Variants in SLC35F3 observed in about 807,000 individuals in gnomAD.
SLC35F3 encodes the protein putative thiamine transporter SLC35F3.
In SLC35F3, 25 loss-of-function variants were observed where a neutral mutation model predicts 49.9. That is an observed-to-expected ratio of 0.50 (90% CI 0.37 to 0.70). The LOEUF is 0.70. Among genes scored for constraint, SLC35F3 ranks in the 30% least tolerant of loss-of-function variants. SLC35F3 has a pLI of 0.00. For synonymous variants in SLC35F3, 275 were observed against 265.4 expected (o/e 1.04, Z -0.35); for missense variants, 525 against 639.8 (o/e 0.82, Z 1.94).
At chr1:234,193,904 T>C (rs1429042444) in intron 2 of SLC35F3, among the ~76,000 whole-genome samples, 1 of 152,184 alleles carries the variant, frequency 6.6e-6, no homozygotes, top group Non-Finnish European at 1.5e-5. Flanking sequence ...AATACCATCT[T>C]ACTCCTGCAA....
At chr1:234,097,501 T>C (rs932811585) in intron 2 of SLC35F3, among the ~76,000 whole-genome samples, 2 of 152,136 alleles carry the variant, frequency 1.3e-5, no homozygotes, top group African/African-American at 4.8e-5. Flanking sequence ...GATAGCAAAG[T>C]GTCAGAGCTG....
intron 2 of SLC35F3, among the ~76,000 whole-genome samples, chr1:234,169,891 C>T (rs527679962): frequency 6.6e-6 from 1 of 152,290 alleles, no homozygotes; most frequent in Admixed American, 6.5e-5. Context: ...CCTCAGCCTC[C>T]GGAGTAGCTG....
At chr1:234,158,056 GACTTTA>G (rs1309555506) in intron 2 of SLC35F3, among the ~76,000 whole-genome samples, 7 of 152,172 alleles carry the variant, frequency 4.6e-5, no homozygotes, top group Non-Finnish European at 7.3e-5. Flanking sequence ...ACTAAATCAT[GACTTTA>G]ACTTTAGCCT....
intron 2 of SLC35F3, among the ~76,000 whole-genome samples, chr1:234,201,915 A>G: frequency 6.8e-6 from 1 of 147,888 alleles, no homozygotes. Flanking sequence ...TTCTTCTCAA[A>G]AAAAAAAAAA....
intron 2 of SLC35F3, among the ~76,000 whole-genome samples, chr1:234,093,522 C>T (rs1382538731): frequency 6.6e-6 from 1 of 152,226 alleles, no homozygotes; most frequent in Non-Finnish European, 1.5e-5. Context: ...AAGGCCTTTT[C>T]TTCCTATAGG....
At position 234,153,583 on chromosome 1, in the gene SLC35F3, T is replaced by C. The variant is rs191254107; in HGVS notation, c.284-77834T>C. 9.7e-4 allele frequency among the ~76,000 whole-genome samples: 148 copies of C among 152,304 alleles called. 2 individuals are homozygous for C. Among genetic ancestry groups the C allele is most frequent in the African/African-American group, 3.2e-3 (133 of 41,576 alleles). On this transcript the variant is annotated intron_variant, in intron 2 of 7. Coordinates refer to ENST00000366618, the MANE Select transcript of SLC35F3 (RefSeq NM_173508.4). ...AGGCTGTTGAGTAACATAAAACAAA[T>C]GAGCAATTATGATATACTGTATTTT...
chr1:234,055,298 G>T (rs1204496653), intron 2 of SLC35F3, among the ~76,000 whole-genome samples: 1 of 152,148 alleles, frequency 6.6e-6, no homozygotes, highest in Non-Finnish European at 1.5e-5. Flanking sequence ...GCTGCAGTGG[G>T]CTCCACTCAG....
chr1:234,297,263 A>G (rs1229205392), intron 3 of SLC35F3, among the ~76,000 whole-genome samples: 8 of 152,222 alleles, frequency 5.3e-5, no homozygotes, highest in Non-Finnish European at 8.8e-5. Flanking sequence ...AAAATTAAAA[A>G]TAGAACTACC....
intron 2 of SLC35F3, among the ~76,000 whole-genome samples, chr1:234,106,641 C>A (rs1206912313): frequency 6.6e-6 from 1 of 152,182 alleles, no homozygotes; most frequent in Non-Finnish European, 1.5e-5. Flanking sequence ...TAATCTTAAC[C>A]ACCTTTTTAA....
chr1:234,011,015 G>C (rs955705420), intron 2 of SLC35F3, among the ~76,000 whole-genome samples: 1 of 152,056 alleles, frequency 6.6e-6, no homozygotes, highest in African/African-American at 2.4e-5. Flanking sequence ...TTTTACCATA[G>C]GCTAATTCAT....
chr1:234,276,682 G>A (rs533102550), intron 3 of SLC35F3, among the ~76,000 whole-genome samples: 4 of 152,286 alleles, frequency 2.6e-5, no homozygotes, highest in South Asian at 4.1e-4. Context: ...TCTCTATTGC[G>A]ACAACTCTCA....
At chr1:234,088,493 C>T (rs1309085524) in intron 2 of SLC35F3, among the ~76,000 whole-genome samples, 1 of 152,166 alleles carries the variant, frequency 6.6e-6, no homozygotes, top group African/African-American at 2.4e-5. Flanking sequence ...CAGGCGTGAG[C>T]CACTGTGCCC....
At chr1:234,020,201 A>G (rs1377097342) in intron 2 of SLC35F3, among the ~76,000 whole-genome samples, 1 of 151,564 alleles carries the variant, frequency 6.6e-6, no homozygotes, top group Non-Finnish European at 1.5e-5. Context: ...GGGTTATTTC[A>G]TTGTATTGTA....
At chr1:234,170,985 T>C (rs1344643005) in intron 2 of SLC35F3, among the ~76,000 whole-genome samples, 1 of 152,242 alleles carries the variant, frequency 6.6e-6, no homozygotes, top group African/African-American at 2.4e-5. Flanking sequence ...AAACTTTCCA[T>C]GCATCCTCTA....
chr1:234,033,506 T>G (rs1664092143), intron 2 of SLC35F3, among the ~76,000 whole-genome samples: 1 of 152,248 alleles, frequency 6.6e-6, no homozygotes, highest in South Asian at 2.1e-4. Context: ...ATTTAAGTCT[T>G]TGATCCATCT....
intron 2 of SLC35F3, among the ~76,000 whole-genome samples, chr1:234,016,712 G>T (rs1389828354): frequency 6.6e-6 from 1 of 152,206 alleles, no homozygotes; most frequent in East Asian, 1.9e-4. Flanking sequence ...CAATGCAATT[G>T]ATTTCTTTTG....
chr1:234,315,063 A>T (rs1016963968), intron 4 of SLC35F3, among the ~76,000 whole-genome samples: 2 of 152,252 alleles, frequency 1.3e-5, no homozygotes, highest in Admixed American at 6.5e-5. Context: ...TACACAGTAC[A>T]TGTAGCATTT....
intron 2 of SLC35F3, among the ~76,000 whole-genome samples, chr1:233,942,895 T>C (rs1183966280): frequency 6.6e-6 from 1 of 152,208 alleles, no homozygotes. Context: ...ACCATTCTAC[T>C]CTCTGCTTCT....
At chr1:234,074,344 A>G (rs1242041671) in intron 2 of SLC35F3, among the ~76,000 whole-genome samples, 1 of 152,200 alleles carries the variant, frequency 6.6e-6, no homozygotes, top group African/African-American at 2.4e-5. Flanking sequence ...AACACTGGGC[A>G]CTTCTAAAAG....
Sources: gnomAD v4.1 joint callset for allele counts (sites outside exome capture counted in the v4.1 genomes callset) on GRCh38, gnomAD v4.1.1 for gene constraint, MANE v1.5 for transcripts, NCBI Gene and HGNC (gene_info 2026-07-23, HGNC 2026-07-21) for gene names.